Variants in MAN1A1 observed in about 807,000 individuals in gnomAD.
MAN1A1 encodes the protein mannosyl-oligosaccharide 1,2-alpha-mannosidase IA.
Under a neutral mutation model 70.8 loss-of-function variants are expected in MAN1A1, and 29 were observed. That is an observed-to-expected ratio of 0.41 (90% CI 0.31 to 0.56). The LOEUF (loss-of-function observed/expected upper bound fraction) is 0.56, where lower values mean the gene tolerates loss of function less well. Among genes scored for constraint, MAN1A1 ranks in the 20% least tolerant of loss-of-function variants. The pLI is 0.29. For synonymous variants in MAN1A1, 349 were observed against 330.1 expected (o/e 1.06, Z -0.62); for missense variants, 747 against 841.3 (o/e 0.89, Z 1.39).
At chr6:119,223,212 ATAAAC>A (rs1490381778) in intron 6 of MAN1A1, among the ~76,000 whole-genome samples, 1 of 152,158 alleles carries the variant, frequency 6.6e-6, no homozygotes, top group African/African-American at 2.4e-5. Context: ...ATTAAACTAA[ATAAAC>A]TAAAGCTCCT....
intron 4 of MAN1A1, among the ~76,000 whole-genome samples, chr6:119,298,028 G>A (rs1056565370): frequency 2.0e-5 from 3 of 151,994 alleles, no homozygotes; most frequent in Non-Finnish European, 2.9e-5. Flanking sequence ...TACTTTTCCT[G>A]CTAGACTAAA....
intron 8 of MAN1A1, among the ~76,000 whole-genome samples, chr6:119,199,018 T>C (rs966147703): frequency 1.3e-5 from 2 of 152,256 alleles, no homozygotes; most frequent in African/African-American, 4.8e-5. Context: ...ACAGATTGTT[T>C]TCCATATATG....
In MAN1A1 at chr6:119,179,708, CT is replaced by C. The variant is rs1773096118; in HGVS notation, c.*110del. 2 of 1,004,308 alleles carry C rather than the reference CT, an allele frequency of 2.0e-6. No homozygotes were observed. Among genetic ancestry groups the C allele is most frequent in the South Asian group, 3.3e-5 (2 of 61,136 alleles). The allele number at this position is 1,004,308 out of a possible 1,614,324, so 62.2% of individuals were successfully genotyped here. A position where few individuals can be genotyped will look rare whatever the true frequency, so the allele number is the denominator to read the frequency against. ...AAAAGACTGCAAAACAATTTAAGAA[CT>C]TAATCACAGACCTACTAATCAAAGT... On this transcript the variant is annotated 3_prime_UTR_variant, in exon 13 of 13. Coordinates refer to ENST00000368468, the MANE Select transcript of MAN1A1 (RefSeq NM_005907.4).
intron 2 of MAN1A1, among the ~76,000 whole-genome samples, chr6:119,347,585 T>C (rs1020143450): frequency 6.6e-6 from 1 of 152,190 alleles, no homozygotes; most frequent in Non-Finnish European, 1.5e-5. Flanking sequence ...TGGGGGAAGT[T>C]CGGACCTCGG....
At chr6:119,231,668 G>C (rs2114282263) in intron 6 of MAN1A1, among the ~76,000 whole-genome samples, 1 of 152,272 alleles carries the variant, frequency 6.6e-6, no homozygotes, top group Middle Eastern at 3.4e-3. Context: ...ACTGAAGGAA[G>C]GATGAAGCCC....
At chr6:119,187,672 G>T (rs939234886) in intron 11 of MAN1A1, among the ~76,000 whole-genome samples, 4 of 152,180 alleles carry the variant, frequency 2.6e-5, no homozygotes, top group Non-Finnish European at 4.4e-5. Flanking sequence ...TGTAATTAAA[G>T]AATTTGCTTG....
intron 2 of MAN1A1, among the ~76,000 whole-genome samples, chr6:119,344,114 GT>G (rs1232203054): frequency 1.3e-5 from 2 of 152,162 alleles, no homozygotes; most frequent in Non-Finnish European, 2.9e-5. Flanking sequence ...TTTCAAGATG[GT>G]TTAGTTCATT....
At chr6:119,251,548 G>C (rs897170328) in intron 5 of MAN1A1, among the ~76,000 whole-genome samples, 3 of 152,176 alleles carry the variant, frequency 2.0e-5, no homozygotes, top group Admixed American at 2.0e-4. Context: ...TTTGCCTTCT[G>C]TGAACTCCCA....
At chr6:119,276,725 A>G (rs1207050396) in intron 5 of MAN1A1, among the ~76,000 whole-genome samples, 1 of 152,240 alleles carries the variant, frequency 6.6e-6, no homozygotes, top group Non-Finnish European at 1.5e-5. Flanking sequence ...GTTAGACTTA[A>G]GAACTGAAAC....
chr6:119,245,506 G>A (rs1277847683), intron 6 of MAN1A1, among the ~76,000 whole-genome samples: 2 of 152,126 alleles, frequency 1.3e-5, no homozygotes, highest in Admixed American at 6.6e-5. Flanking sequence ...TGCCCTACAG[G>A]AAAACTTAAG....
chr6:119,194,865 G>C (rs1773528718), intron 8 of MAN1A1, among the ~76,000 whole-genome samples: 1 of 148,166 alleles, frequency 6.7e-6, no homozygotes, highest in African/African-American at 2.5e-5. Flanking sequence ...ACGGAGTCTT[G>C]CTCTGTCACC....
At chr6:119,328,725 T>C (rs557088122) in intron 2 of MAN1A1, among the ~76,000 whole-genome samples, 67 of 152,330 alleles carry the variant, frequency 4.4e-4, no homozygotes, top group African/African-American at 1.6e-3. Flanking sequence ...TTTTAACTGG[T>C]CACCATTTAC....
intron 9 of MAN1A1, among the ~76,000 whole-genome samples, chr6:119,190,241 A>G (rs2072892): frequency 0.71 from 108,396 of 152,096 alleles, 40,945 homozygotes; most frequent in Non-Finnish European, 0.83. Context: ...GTGGTGAAAT[A>G]ACACAGCCCA....
intron 2 of MAN1A1, 28 bp downstream of exon 2, chr6:119,348,435 G>T (rs1220946946): frequency 6.5e-7 from 1 of 1,542,454 alleles, no homozygotes; most frequent in Admixed American, 1.8e-5. Context: ...CGGCCGGTCG[G>T]GAGGGATTTC....
intron 2 of MAN1A1, among the ~76,000 whole-genome samples, chr6:119,336,273 T>A (rs531787330): frequency 6.6e-6 from 1 of 152,192 alleles, no homozygotes; most frequent in Non-Finnish European, 1.5e-5. Flanking sequence ...TTTTACCACG[T>A]TGGCCAGGCT....
chr6:119,208,589 T>C (rs1773952416), intron 6 of MAN1A1, among the ~76,000 whole-genome samples: 1 of 152,140 alleles, frequency 6.6e-6, no homozygotes, highest in Non-Finnish European at 1.5e-5. Flanking sequence ...CTGATAGCAA[T>C]GGGCTTTATG....
At chr6:119,204,625 G>T in intron 7 of MAN1A1, 134 bp downstream of exon 7, 1 of 1,093,240 alleles carries the variant, frequency 9.1e-7, no homozygotes, top group South Asian at 1.5e-5. Flanking sequence ...AATGCTGCAT[G>T]TTGCAAAACT....
rs556952654 is a variant in MAN1A1 at position 119,205,910 on chromosome 6, T to C, written c.993-1028A>G. On this transcript the variant is annotated intron_variant, in intron 6 of 12. Transcript: ENST00000368468. ...TTTTCTCAAAGACCTAATAGTGCAA[T>C]GACAGAACAAGAACTAAGCATAAAT... Among the ~76,000 whole-genome samples, 23 of 152,300 alleles carry C rather than the reference T, an allele frequency of 1.5e-4. No homozygotes were observed. In the South Asian group the frequency reaches 4.6e-3, roughly 30 times the overall value.
At chr6:119,311,914 C>T (rs761714301) in intron 2 of MAN1A1, among the ~76,000 whole-genome samples, 10 of 152,086 alleles carry the variant, frequency 6.6e-5, no homozygotes, top group South Asian at 2.1e-4. Flanking sequence ...TCTGCTTGTT[C>T]GGGCTATTTT....
Sources: gnomAD v4.1 joint callset for allele counts (sites outside exome capture counted in the v4.1 genomes callset) on GRCh38, gnomAD v4.1.1 for gene constraint, MANE v1.5 for transcripts, NCBI Gene and HGNC (gene_info 2026-07-23, HGNC 2026-07-21) for gene names.